Variants in PTPRD observed in about 807,000 individuals in gnomAD.
PTPRD encodes receptor-type tyrosine-protein phosphatase delta.
In PTPRD, 34 loss-of-function variants were observed where a neutral mutation model predicts 214.5. That is an observed-to-expected ratio of 0.16 (90% CI 0.12 to 0.21). The LOEUF is 0.21. Ranked by LOEUF, PTPRD falls within the 10% of genes least tolerant of loss-of-function variation. The probability of loss-of-function intolerance (pLI) is 1.00; values close to 1 mark genes in which losing one functional copy is unlikely to be tolerated. For missense variants in PTPRD, 2,545 were observed against 2,398.7 expected (o/e 1.06, Z -1.27); for synonymous variants, 1,128 against 845.7 (o/e 1.33, Z -5.79).
chr9:9,473,252 TTTCAC>T (rs1472592139), intron 8 of PTPRD, among the ~76,000 whole-genome samples: 1 of 152,172 alleles, frequency 6.6e-6, no homozygotes, highest in Non-Finnish European at 1.5e-5. Context: ...GCCTGACTTA[TTTCAC>T]TTAACATAAT....
chr9:9,347,682 G>A (rs1229082444), intron 9 of PTPRD, among the ~76,000 whole-genome samples: 1 of 152,098 alleles, frequency 6.6e-6, no homozygotes, highest in Non-Finnish European at 1.5e-5. Flanking sequence ...ATGGGGAAAA[G>A]GGTGAGATTT....
intron 7 of PTPRD, among the ~76,000 whole-genome samples, chr9:9,689,737 T>G (rs918780352): frequency 6.6e-6 from 1 of 151,866 alleles, no homozygotes; most frequent in African/African-American, 2.4e-5. Flanking sequence ...AAGAGTACAA[T>G]ATTTGTCTTT....
intron 35 of PTPRD, among the ~76,000 whole-genome samples, chr9:8,418,393 T>G (rs949490720): frequency 6.6e-6 from 1 of 152,136 alleles, no homozygotes; most frequent in Non-Finnish European, 1.5e-5. Context: ...TTTAGCCTTG[T>G]AGCATTTCTT....
intron 35 of PTPRD, among the ~76,000 whole-genome samples, chr9:8,435,752 G>A (rs1402402617): frequency 1.3e-5 from 2 of 150,534 alleles, no homozygotes; most frequent in Non-Finnish European, 3.0e-5. Context: ...CATACACACA[G>A]GCTTTTAATT....
intron 2 of PTPRD, among the ~76,000 whole-genome samples, chr9:10,490,800 G>C (rs932123595): frequency 6.6e-6 from 1 of 152,012 alleles, no homozygotes; most frequent in Non-Finnish European, 1.5e-5. Flanking sequence ...TGATCCTCCA[G>C]GGAACATTTA....
chr9:8,751,840 G>T (rs1462955224), intron 11 of PTPRD, among the ~76,000 whole-genome samples: 1 of 152,182 alleles, frequency 6.6e-6, no homozygotes, highest in African/African-American at 2.4e-5. Flanking sequence ...AAACGAGACA[G>T]TTTGTTATAT....
intron 10 of PTPRD, among the ~76,000 whole-genome samples, chr9:9,133,063 C>G (rs548625532): frequency 6.6e-6 from 1 of 152,258 alleles, no homozygotes; most frequent in African/African-American, 2.4e-5. Flanking sequence ...TATTTCTCAT[C>G]TATTTCATAT....
chr9:9,845,357 A>G (rs1348627827), intron 5 of PTPRD, among the ~76,000 whole-genome samples: 1 of 151,668 alleles, frequency 6.6e-6, no homozygotes, highest in Non-Finnish European at 1.5e-5. Flanking sequence ...CTTGTCCACA[A>G]AAGACTTTGG....
At chr9:8,842,526 C>A (rs2097578833) in intron 11 of PTPRD, among the ~76,000 whole-genome samples, 1 of 152,140 alleles carries the variant, frequency 6.6e-6, no homozygotes, top group African/African-American at 2.4e-5. Context: ...CATTACATCT[C>A]TCTAGAAACC....
chr9:8,655,509 A>G (rs957910290), intron 12 of PTPRD, among the ~76,000 whole-genome samples: 1 of 152,194 alleles, frequency 6.6e-6, no homozygotes. Context: ...CCAACTTTAG[A>G]TCTTTAACAT....
intron 10 of PTPRD, among the ~76,000 whole-genome samples, chr9:9,102,728 T>C (rs1408977740): frequency 6.6e-6 from 1 of 152,258 alleles, no homozygotes; most frequent in South Asian, 2.1e-4. Flanking sequence ...GTTACTGTTA[T>C]AAGTGACCCT....
intron 2 of PTPRD, among the ~76,000 whole-genome samples, chr9:10,470,866 G>T (rs1036529395): frequency 1.2e-4 from 19 of 152,042 alleles, no homozygotes; most frequent in African/African-American, 4.3e-4. Flanking sequence ...ATATATTGCA[G>T]CACTATTCAC....
intron 2 of PTPRD, among the ~76,000 whole-genome samples, chr9:10,586,527 A>C (rs13298283): frequency 0.18 from 26,979 of 152,018 alleles, 2,696 homozygotes; most frequent in South Asian, 0.25. Flanking sequence ...TGTGAGACTA[A>C]ATCTACCGCA....
intron 7 of PTPRD, among the ~76,000 whole-genome samples, chr9:9,617,799 G>A (rs969090817): frequency 3.3e-5 from 5 of 151,734 alleles, no homozygotes; most frequent in African/African-American, 9.7e-5. Context: ...TGGGCCCGGC[G>A]CGGTGGCTCA....
chr9:9,795,354 A>G (rs1283950353), intron 5 of PTPRD, among the ~76,000 whole-genome samples: 13 of 152,238 alleles, frequency 8.5e-5, no homozygotes, highest in Middle Eastern at 3.4e-3. Flanking sequence ...ATATTAACTC[A>G]CCCAGCTTTG....
chr9:9,947,637 T>C (rs2092958403), intron 4 of PTPRD, among the ~76,000 whole-genome samples: 1 of 38,046 alleles, frequency 2.6e-5, no homozygotes, highest in Non-Finnish European at 4.2e-5. Context: ...ATATATATTT[T>C]ATATATATAT....
chr9:10,086,386 T>C (rs1384488885), intron 3 of PTPRD, among the ~76,000 whole-genome samples: 3 of 151,666 alleles, frequency 2.0e-5, no homozygotes, highest in Non-Finnish European at 2.9e-5. Flanking sequence ...GCCACTGTGA[T>C]TGCTACTGAA....
chr9:9,396,705 C>G (rs1326041857), intron 9 of PTPRD, among the ~76,000 whole-genome samples: 1 of 151,930 alleles, frequency 6.6e-6, no homozygotes, highest in African/African-American at 2.4e-5. Flanking sequence ...TTTTCCTTAT[C>G]GCAATTGAAT....
At chr9:8,605,846 C>A (rs1271839820) in intron 14 of PTPRD, among the ~76,000 whole-genome samples, 6 of 152,114 alleles carry the variant, frequency 3.9e-5, no homozygotes, top group Non-Finnish European at 7.4e-5. Context: ...ATTGATCATC[C>A]TACCAGCTAT....
Sources: gnomAD v4.1 joint callset for allele counts (sites outside exome capture counted in the v4.1 genomes callset) on GRCh38, gnomAD v4.1.1 for gene constraint, MANE v1.5 for transcripts, NCBI Gene and HGNC (gene_info 2026-07-23, HGNC 2026-07-21) for gene names.